Variants in MYO16 observed in about 807,000 individuals in gnomAD.
The protein encoded by MYO16 is myosin XVI.
MYO16 carries 94 observed loss-of-function variants against 205.3 expected under a neutral mutation model. That is an observed-to-expected ratio of 0.46 (90% CI 0.39 to 0.54). MYO16 has a LOEUF of 0.54. Among genes scored for constraint, MYO16 ranks in the 20% least tolerant of loss-of-function variants. The pLI is 0.00. For synonymous variants in MYO16, 988 were observed against 954.0 expected (o/e 1.04, Z -0.66); for missense variants, 2,315 against 2,387.5 (o/e 0.97, Z 0.63).
At chr13:108,965,016 A>T (rs1883737007) in intron 20 of MYO16, 114 bp downstream of exon 20, 2 of 1,083,240 alleles carry the variant, frequency 1.8e-6, no homozygotes, top group Admixed American at 5.4e-5. Flanking sequence ...AACTTCATTA[A>T]TATATTTTAT....
chr13:108,957,799 G>C lies in MYO16; in HGVS notation c.2037G>C (p.Leu679Phe). The change falls in exon 17 of 35, where the codon TTG becomes TTC. Residue 679 changes from leucine (L) to phenylalanine (F), a missense_variant and splice_region_variant. This residue lies in a region of MYO16 where 1,213 missense variants were observed against 1,274.4 expected (regional missense o/e 0.95). Transcript: ENST00000457511. ...TGAATGTAGTTGGCTTCAGCAGCTTGGTGAGTCATGTCATAAATATTTCAC... is the reference window on the plus strand; with the variant it reads ...TGAATGTAGTTGGCTTCAGCAGCTTCGTGAGTCATGTCATAAATATTTCAC... ...RALNVVGFSS[L>F]EVENLFVILA... is the part of the protein sequence containing the mutation. 2 of 1,604,178 alleles carry C rather than the reference G, an allele frequency of 1.2e-6. No individual in the cohort carries two copies. Among genetic ancestry groups the C allele is most frequent in the Non-Finnish European group, 1.7e-6 (2 of 1,171,162 alleles).
At chr13:108,566,596 C>T in the MYO16 span, among the ~76,000 whole-genome samples, 3 of 150,542 alleles carry the variant, frequency 2.0e-5, no homozygotes, top group Admixed American at 2.0e-4. Context: ...CATGCCGTTG[C>T]ACTCCAGCCT....
At chr13:109,118,033 T>C (rs1033514588) in intron 28 of MYO16, among the ~76,000 whole-genome samples, 1 of 152,174 alleles carries the variant, frequency 6.6e-6, no homozygotes, top group African/African-American at 2.4e-5. Context: ...TGTCTTCTGG[T>C]TCTTGCCTTT....
chr13:108,813,483 C>T (rs1005436221), intron 7 of MYO16, among the ~76,000 whole-genome samples: 4 of 152,108 alleles, frequency 2.6e-5, no homozygotes, highest in Non-Finnish European at 5.9e-5. Flanking sequence ...GGAATGAGTG[C>T]TGGCTCCAAA....
At chr13:108,864,687 C>T (rs1233361071) in intron 11 of MYO16, among the ~76,000 whole-genome samples, 1 of 151,704 alleles carries the variant, frequency 6.6e-6, no homozygotes, top group African/African-American at 2.4e-5. Context: ...CACCACCATG[C>T]CCAGATAATT....
At chr13:108,595,921 G>A (rs1021967400), upstream of MYO16, among the ~76,000 whole-genome samples, 1 of 129,524 alleles carries the variant, frequency 7.7e-6, no homozygotes, top group African/African-American at 2.9e-5. Flanking sequence ...GCAGGCTAAG[G>A]CTTCCCTTTT....
intron 28 of MYO16, among the ~76,000 whole-genome samples, chr13:109,110,483 C>A (rs1275797087): frequency 6.6e-6 from 1 of 152,166 alleles, no homozygotes; most frequent in South Asian, 2.1e-4. Flanking sequence ...TCAAGCCAAA[C>A]CACCTTCTTC....
At chr13:108,541,961 G>A in the MYO16 span, among the ~76,000 whole-genome samples, 319 of 152,218 alleles carry the variant, frequency 2.1e-3, 1 homozygote, top group African/African-American at 7.5e-3. Flanking sequence ...CCACTGCTGG[G>A]TATTTACTCA....
chr13:109,127,613 G>T lies in MYO16; in HGVS notation c.4051+63G>T. 1.3e-6 allele frequency: 2 copies of T among 1,557,336 alleles called. No individual in the cohort carries two copies. Among genetic ancestry groups the T allele is most frequent in the Non-Finnish European group, 1.7e-6 (2 of 1,151,828 alleles). On this transcript the variant is annotated intron_variant, in intron 31 of 34. Coordinates refer to ENST00000457511, the MANE Select transcript of MYO16 (RefSeq NM_001198950.3). This position sits in a 1 kb window ranked among gnomAD's most constrained non-coding sequence, Gnocchi z 4.2. ...CTCGCGCATGCTCTGACTTCGCCTT[G>T]GGGCGCCCATGGCAGTACTGTCGCC...
chr13:108,538,201 A>G, the MYO16 span, among the ~76,000 whole-genome samples: 2 of 152,102 alleles, frequency 1.3e-5, no homozygotes, highest in African/African-American at 4.8e-5. Flanking sequence ...AAGTAGATAG[A>G]CTAATAAAGA....
chr13:109,119,637 T>C (rs1277609790), intron 28 of MYO16, among the ~76,000 whole-genome samples: 4 of 152,260 alleles, frequency 2.6e-5, no homozygotes, highest in South Asian at 2.1e-4. Flanking sequence ...GAATTTTCTT[T>C]GGCAGCTGTC....
At chr13:108,765,776 TG>T (rs1334303921) in intron 4 of MYO16, among the ~76,000 whole-genome samples, 1 of 152,224 alleles carries the variant, frequency 6.6e-6, no homozygotes, top group Non-Finnish European at 1.5e-5. Flanking sequence ...TATTCCCTTT[TG>T]TTACCTTTTC....
chr13:108,573,322 T>C, the MYO16 span, among the ~76,000 whole-genome samples: 2 of 152,230 alleles, frequency 1.3e-5, no homozygotes, highest in African/African-American at 4.8e-5. Context: ...ATTTTTGTGG[T>C]AAATATAGGT....
rs9559396 is a variant in MYO16, at chr13:108,735,988, T to C, written c.507+8405T>C. On this transcript the variant is annotated intron_variant, in intron 4 of 34. Coordinates refer to ENST00000457511, the MANE Select transcript of MYO16 (RefSeq NM_001198950.3). ...GTCCTTTGCCCACTTTTTGATGGGG[T>C]TGTTTGTTTTTTTTCTTGTAAATTT... 4.3e-3 allele frequency among the ~76,000 whole-genome samples: 245 copies of C among 56,826 alleles called. 3 individuals are homozygous for C. The East Asian group carries it at 0.086, about 20-fold the overall frequency. The allele number at this position is 56,826 out of a possible 152,430, so 37.3% of individuals were successfully genotyped here.
chr13:108,908,163 T>A (rs533152986), intron 15 of MYO16, among the ~76,000 whole-genome samples: 2 of 152,184 alleles, frequency 1.3e-5, no homozygotes, highest in Non-Finnish European at 2.9e-5. Flanking sequence ...GCTCATCCAC[T>A]GAGGTTTACT....
chr13:108,720,335 A>C (rs2139568927), intron 3 of MYO16, among the ~76,000 whole-genome samples: 1 of 152,300 alleles, frequency 6.6e-6, no homozygotes, highest in South Asian at 2.1e-4. Context: ...TTCCAGAATC[A>C]TGTTAGATTT....
At chr13:109,013,291 T>A (rs1054525150) in intron 22 of MYO16, among the ~76,000 whole-genome samples, 1 of 152,106 alleles carries the variant, frequency 6.6e-6, no homozygotes, top group East Asian at 1.9e-4. Flanking sequence ...ACAAAGGACA[T>A]GAACTCATCC....
At chr13:108,712,845 T>C in intron 3 of MYO16, 114 bp downstream of exon 3, 4 of 747,224 alleles carry the variant, frequency 5.4e-6, no homozygotes, top group Non-Finnish European at 8.5e-6. Context: ...AGAAAGATGA[T>C]GTGTTTCTAA....
chr13:108,659,802 G>A (rs1427118501), intron 1 of MYO16, among the ~76,000 whole-genome samples: 1 of 152,178 alleles, frequency 6.6e-6, no homozygotes, highest in African/African-American at 2.4e-5. Context: ...TCCAGAGGCT[G>A]AAAGTAAGCA....
Sources: gnomAD v4.1 joint callset for allele counts (sites outside exome capture counted in the v4.1 genomes callset) on GRCh38, gnomAD v4.1.1 for gene constraint, gnomAD v4.1.1 regional missense constraint, Gnocchi (gnomAD v3.1) non-coding constraint, MANE v1.5 for transcripts, NCBI Gene and HGNC (gene_info 2026-07-23, HGNC 2026-07-21) for gene names.